CC2D2B: variants seen among roughly 807,000 people sequenced by gnomAD.
CC2D2B encodes coiled-coil and C2 domain containing 2B.
Under a neutral mutation model 161.2 loss-of-function variants are expected in CC2D2B, and 128 were observed. That is an observed-to-expected ratio of 0.79 (90% CI 0.69 to 0.92). The LOEUF (loss-of-function observed/expected upper bound fraction) is 0.92, where lower values mean the gene tolerates loss of function less well. Among genes scored for constraint, CC2D2B ranks in the 40% least tolerant of loss-of-function variants. The pLI, the probability that CC2D2B is intolerant of heterozygous loss-of-function variation, is 0.00. For missense variants in CC2D2B, 1,173 were observed against 1,375.1 expected, an observed-to-expected ratio of 0.85 and a Z score of 2.32; for synonymous variants, 391 against 449.8, an observed-to-expected ratio of 0.87 and a Z score of 1.65.
chr10:96,019,698 A>T lies in CC2D2B; in HGVS notation c.3766-4A>T, dbSNP rs767688290. ...ACACTAATGTTATATTAATGTTTTCATAGGTCTGGTTTAATATTCAACAAA... is the reference window on the plus strand; with the variant it reads ...ACACTAATGTTATATTAATGTTTTCTTAGGTCTGGTTTAATATTCAACAAA... On this transcript the variant is annotated splice_polypyrimidine_tract_variant and splice_region_variant and intron_variant, in intron 31 of 34. Coordinates refer to ENST00000646931, the MANE Select transcript of CC2D2B (RefSeq NM_001349008.3). 4 of 1,569,960 alleles carry T rather than the reference A, an allele frequency of 2.5e-6. No homozygotes were observed. Among genetic ancestry groups the T allele is most frequent in the South Asian group, 1.2e-5 (1 of 83,292 alleles).
intron 28 of CC2D2B, 74 bp from the exon 29 acceptor site, chr10:96,013,714 G>A: frequency 1.3e-6 from 1 of 777,268 alleles, no homozygotes; most frequent in African/African-American, 1.8e-5. Flanking sequence ...TGCTAAATGA[G>A]AGAGTGCATG....
chr10:95,935,484 A>ATTTTTTT (rs58521001), intron 6 of CC2D2B, among the ~76,000 whole-genome samples: 1 of 140,062 alleles, frequency 7.1e-6, no homozygotes, highest in Admixed American at 7.1e-5. Flanking sequence ...TCTAAGACAG[A>ATTTTTTT]TTTTTTTTTT....
intron 16 of CC2D2B, among the ~76,000 whole-genome samples, chr10:95,973,651 G>T (rs1397458773): frequency 6.6e-6 from 1 of 152,018 alleles, no homozygotes; most frequent in Non-Finnish European, 1.5e-5. Flanking sequence ...CTCAGGTCAG[G>T]AGTTCGAGAC....
At chr10:96,011,514 T>C (rs879558764) in intron 26 of CC2D2B, among the ~76,000 whole-genome samples, 3 of 152,128 alleles carry the variant, frequency 2.0e-5, no homozygotes, top group Admixed American at 2.0e-4. Context: ...TGGCACAGGG[T>C]CTTGCACATT....
intron 34 of CC2D2B, 44 bp from the exon 35 acceptor site, chr10:96,031,776 C>A: frequency 6.8e-7 from 1 of 1,474,820 alleles, no homozygotes; most frequent in Non-Finnish European, 9.4e-7. Flanking sequence ...TCCAGATTAC[C>A]CAGTTGTAAT....
At chr10:95,993,899 AATGTG>A (rs2078077904) in intron 22 of CC2D2B, among the ~76,000 whole-genome samples, 1 of 55,494 alleles carries the variant, frequency 1.8e-5, no homozygotes, top group Non-Finnish European at 3.9e-5. Flanking sequence ...AGAGAGAGAG[AATGTG>A]TGTGTGTGTG....
intron 28 of CC2D2B, 144 bp downstream of exon 28, chr10:96,012,873 C>T (rs548695868): frequency 3.3e-6 from 2 of 614,734 alleles, no homozygotes; most frequent in African/African-American, 3.7e-5. Context: ...ATAAAGCTCC[C>T]TTAGCTGGAC....
chr10:96,025,264 G>C (rs796888777), intron 33 of CC2D2B, among the ~76,000 whole-genome samples: 38 of 139,182 alleles, frequency 2.7e-4, no homozygotes, highest in Admixed American at 5.8e-4. Context: ...GTGACTAAGA[G>C]GGGGAGGATC....
Position 96,003,041 on chromosome 10 carries a change from T to G in CC2D2B, c.2850-1111T>G, listed in dbSNP as rs961727468. 2.8e-4 allele frequency among the ~76,000 whole-genome samples: 42 copies of G among 147,760 alleles called. 1 individual carries two copies. The highest frequency in any genetic ancestry group is 9.8e-4 in the African/African-American group (40 of 40,720). ...AAATAAATATATATATATATATATA[T>G]ATAGAAATAAATAAACTAAATAAAA... is the stretch of plus-strand genomic sequence containing the variant. On this transcript the variant is annotated intron_variant, in intron 24 of 34. Transcript: ENST00000646931.
intron 17 of CC2D2B, among the ~76,000 whole-genome samples, chr10:95,979,382 C>T (rs1325354526): frequency 6.6e-6 from 1 of 152,162 alleles, no homozygotes; most frequent in Non-Finnish European, 1.5e-5. Context: ...TTCAGTTCCT[C>T]ATTATGGGGC....
chr10:96,028,747 G>A (rs971115591), intron 34 of CC2D2B, among the ~76,000 whole-genome samples: 5 of 152,150 alleles, frequency 3.3e-5, no homozygotes, highest in Admixed American at 1.3e-4. Flanking sequence ...ATAGATGAAC[G>A]GATAAGGAAA....
intron 17 of CC2D2B, among the ~76,000 whole-genome samples, chr10:95,980,604 C>T (rs918623594): frequency 2.0e-5 from 3 of 151,942 alleles, no homozygotes; most frequent in Admixed American, 6.6e-5. Flanking sequence ...ACATAGATAT[C>T]AAAACAGTTC....
chr10:95,952,015 G>T (rs1209059061), intron 10 of CC2D2B, among the ~76,000 whole-genome samples: 1 of 152,172 alleles, frequency 6.6e-6, no homozygotes, highest in Non-Finnish European at 1.5e-5. Context: ...GAGAAGAGCA[G>T]TGGGGAAGAG....
chr10:95,984,361 T>G (rs957127111), intron 19 of CC2D2B, among the ~76,000 whole-genome samples: 7 of 152,172 alleles, frequency 4.6e-5, no homozygotes, highest in Non-Finnish European at 7.4e-5. Flanking sequence ...TTAGATAATA[T>G]TGGAGAATTG....
At chr10:96,019,507 C>G (rs2079362143) in intron 31 of CC2D2B, 170 bp downstream of exon 31, 1 of 824,084 alleles carries the variant, frequency 1.2e-6, no homozygotes, top group South Asian at 1.8e-5. Context: ...TGTGTAGTGC[C>G]TTCAAGGATG....
At position 95,949,988 on chromosome 10, in the gene CC2D2B, A is replaced by G. The variant is rs565880346; in HGVS notation, c.894A>G (p.Gln298=). 1.3e-4 allele frequency: 53 copies of G among 398,844 alleles called. No homozygotes were observed. The highest frequency in any genetic ancestry group is 9.8e-4 in the African/African-American group (48 of 48,748). 24.7% of individuals were successfully genotyped at this position (398,844 alleles called of 1,614,324 possible). A position where few individuals can be genotyped will look rare whatever the true frequency, so the allele number is the denominator to read the frequency against. The change falls in exon 10 of 35, where the codon CAA becomes CAG. Residue 298 remains glutamine (Q), a synonymous_variant. Transcript: ENST00000646931. The part of the protein sequence containing the change: ...YQLDLNIVGL[Q]FSHHHLFNQE... ...TAGACCTCAACATTGTGGGTTTGCA[A>G]TTCAGCCATCATCATCTCTTCAATC...
At chr10:95,943,808 C>G (rs1590488293) in intron 9 of CC2D2B, among the ~76,000 whole-genome samples, 1 of 151,934 alleles carries the variant, frequency 6.6e-6, no homozygotes, top group Non-Finnish European at 1.5e-5. Context: ...AAATTGTATT[C>G]TACATTATTA....
chr10:95,980,815 C>T (rs1031889023), intron 17 of CC2D2B, among the ~76,000 whole-genome samples: 5 of 152,050 alleles, frequency 3.3e-5, no homozygotes, highest in Admixed American at 6.6e-5. Flanking sequence ...TTGTTGAATC[C>T]GTGTCAGAAC....
intron 12 of CC2D2B, among the ~76,000 whole-genome samples, chr10:95,964,377 T>G (rs1279700954): frequency 6.6e-6 from 1 of 152,134 alleles, no homozygotes; most frequent in East Asian, 1.9e-4. Flanking sequence ...CTAATTTAAT[T>G]AGTATGGGGT....
Sources: allele counts gnomAD v4.1 joint callset (sites outside exome capture counted in the v4.1 genomes callset), GRCh38; gene constraint gnomAD v4.1.1; transcripts MANE v1.5; gene names NCBI Gene and HGNC (gene_info 2026-07-23, HGNC 2026-07-21).